The following ADAM12 variants were observed in gnomAD, a reference collection of about 807,000 sequenced individuals.
The protein encoded by ADAM12 is disintegrin and metalloproteinase domain-containing protein 12.
ADAM12 carries 70 observed loss-of-function variants against 106.4 expected under a neutral mutation model. That is an observed-to-expected ratio of 0.66 (90% CI 0.54 to 0.80). The LOEUF (loss-of-function observed/expected upper bound fraction) is 0.80. ADAM12 is among the 30% of genes least tolerant of loss of function. ADAM12 has a pLI of 0.00. For synonymous variants in ADAM12, 420 were observed against 433.5 expected (o/e 0.97, Z 0.39); for missense variants, 1,010 against 1,171.9 (o/e 0.86, Z 2.02).
intron 22 of ADAM12, 79 bp from the exon 23 acceptor site, chr10:126,017,418 G>A (rs1017775474): frequency 7.5e-7 from 1 of 1,328,658 alleles, no homozygotes; most frequent in Non-Finnish European, 1.0e-6. Flanking sequence ...TGGGGTTGGA[G>A]ATGTATTCTG....
chr10:126,115,368 G>A (rs553059452), intron 6 of ADAM12, among the ~76,000 whole-genome samples: 1 of 152,214 alleles, frequency 6.6e-6, no homozygotes, highest in Non-Finnish European at 1.5e-5. Context: ...AGCCGATGGA[G>A]AGGGAAGGAG....
rs1273712880 is a variant in ADAM12 at position 126,049,647 on chromosome 10, G to A, written c.1632C>T (p.Ile544=). Residue 544 remains isoleucine (I), a synonymous_variant, in exon 15 of 23, where the codon ATC becomes ATT. Transcript: ENST00000448723. This position sits in a 1 kb window ranked among gnomAD's most constrained non-coding sequence, Gnocchi z 4.4. ...WGPGAKPAPG[I]CFERVNSAGD... Reference sequence around the variant, plus strand: ...CTGCAGAATTGACTCTCTCAAAGCAGATCCCAGGGGCAGGTTTAGCACCTG... The same window carrying A: ...CTGCAGAATTGACTCTCTCAAAGCAAATCCCAGGGGCAGGTTTAGCACCTG... 1.9e-6 allele frequency: 3 copies of A among 1,614,102 alleles called. No homozygotes were observed. The South Asian group carries it at 3.3e-5, about 18-fold the overall frequency.
intron 4 of ADAM12, among the ~76,000 whole-genome samples, chr10:126,139,782 A>C (rs1181292398): frequency 6.6e-6 from 1 of 152,178 alleles, no homozygotes; most frequent in East Asian, 1.9e-4. Flanking sequence ...TGGCTTAGGA[A>C]AGGATGCATC....
At chr10:126,044,741 A>G (rs1039134045) in intron 17 of ADAM12, among the ~76,000 whole-genome samples, 1 of 152,226 alleles carries the variant, frequency 6.6e-6, no homozygotes, top group African/African-American at 2.4e-5. Flanking sequence ...CTGTCAAGAT[A>G]GGCTTTAATA....
intron 4 of ADAM12, among the ~76,000 whole-genome samples, chr10:126,152,715 T>C (rs1240598928): frequency 6.6e-6 from 1 of 152,094 alleles, no homozygotes; most frequent in African/African-American, 2.4e-5. Flanking sequence ...AAGCAGATCA[T>C]GTTTTCATTT....
At chr10:126,179,094 A>G (rs1957269796) in intron 3 of ADAM12, among the ~76,000 whole-genome samples, 1 of 152,074 alleles carries the variant, frequency 6.6e-6, no homozygotes, top group African/African-American at 2.4e-5. Context: ...TATCCACTCA[A>G]GCACTCAAGC....
intron 3 of ADAM12, among the ~76,000 whole-genome samples, chr10:126,252,084 T>G (rs1447959512): frequency 3.6e-5 from 4 of 110,174 alleles, no homozygotes; most frequent in Admixed American, 1.8e-4. Flanking sequence ...ATGAATGGAT[T>G]AGATGGATGG....
At chr10:126,296,910 T>C (rs1160033673) in intron 2 of ADAM12, among the ~76,000 whole-genome samples, 7 of 152,226 alleles carry the variant, frequency 4.6e-5, no homozygotes, top group Non-Finnish European at 1.0e-4. Context: ...TTCCAACCTG[T>C]TGAGGACTTT....
chr10:126,172,029 A>G (rs1284936383), intron 3 of ADAM12, among the ~76,000 whole-genome samples: 3 of 152,196 alleles, frequency 2.0e-5, no homozygotes, highest in Admixed American at 2.0e-4. Flanking sequence ...TTAATGACTA[A>G]AAGATGTAAT....
intron 8 of ADAM12, among the ~76,000 whole-genome samples, chr10:126,108,023 A>C (rs2133596477): frequency 6.6e-6 from 1 of 152,334 alleles, no homozygotes; most frequent in African/African-American, 2.4e-5. Flanking sequence ...GGGCTCCTCC[A>C]GCAAGGAAAT....
At chr10:126,294,800 AT>A (rs774623028) in intron 2 of ADAM12, among the ~76,000 whole-genome samples, 12 of 152,222 alleles carry the variant, frequency 7.9e-5, no homozygotes, top group Non-Finnish European at 1.6e-4. Flanking sequence ...CTACAGACAA[AT>A]CTTTTATTTG....
At chr10:126,268,797 T>C (rs1459994338) in intron 3 of ADAM12, among the ~76,000 whole-genome samples, 1 of 152,064 alleles carries the variant, frequency 6.6e-6, no homozygotes, top group African/African-American at 2.4e-5. Context: ...CATGATACTG[T>C]AAGAATGTAG....
chr10:126,365,306 C>A (rs913783889), intron 1 of ADAM12, among the ~76,000 whole-genome samples: 1 of 152,078 alleles, frequency 6.6e-6, no homozygotes, highest in African/African-American at 2.4e-5. Context: ...AAGACCCCAA[C>A]AATAAATTTA....
At chr10:126,367,533 C>A (rs1472274764) in intron 1 of ADAM12, among the ~76,000 whole-genome samples, 1 of 151,226 alleles carries the variant, frequency 6.6e-6, no homozygotes, top group Non-Finnish European at 1.5e-5. Context: ...CAAAGACAAA[C>A]TAGAAGAAAA....
chr10:126,341,699 T>C (rs1438336922), intron 1 of ADAM12, among the ~76,000 whole-genome samples: 1 of 152,210 alleles, frequency 6.6e-6, no homozygotes, highest in Non-Finnish European at 1.5e-5. Context: ...ATTGCCATCA[T>C]AGTAGCCTGA....
chr10:126,349,927 T>C (rs1233491186), intron 1 of ADAM12, among the ~76,000 whole-genome samples: 1 of 152,200 alleles, frequency 6.6e-6, no homozygotes, highest in East Asian at 1.9e-4. Context: ...AGAAGACAGA[T>C]TTCTAGATGG....
chr10:126,165,834 T>C (rs542468216), intron 3 of ADAM12, among the ~76,000 whole-genome samples: 8 of 152,338 alleles, frequency 5.3e-5, no homozygotes, highest in African/African-American at 1.2e-4. Context: ...TGTTACAAAA[T>C]CCAAATTATT....
At chr10:126,317,272 C>T (rs556316723) in intron 2 of ADAM12, among the ~76,000 whole-genome samples, 84 of 152,240 alleles carry the variant, frequency 5.5e-4, no homozygotes, top group Admixed American at 1.6e-3. Flanking sequence ...CCCATGGAAA[C>T]GGGAAATCTT....
At chr10:126,251,008 G>A (rs183359020) in intron 3 of ADAM12, among the ~76,000 whole-genome samples, 143 of 152,276 alleles carry the variant, frequency 9.4e-4, no homozygotes, top group Non-Finnish European at 8.8e-5. Flanking sequence ...CACACATGAT[G>A]TTAATCAATC....
Sources: gnomAD v4.1 joint callset for allele counts (sites outside exome capture counted in the v4.1 genomes callset) on GRCh38, gnomAD v4.1.1 for gene constraint, Gnocchi (gnomAD v3.1) non-coding constraint, MANE v1.5 for transcripts, NCBI Gene and HGNC (gene_info 2026-07-23, HGNC 2026-07-21) for gene names.